The following IL16 variants were observed in gnomAD, a reference collection of about 807,000 sequenced individuals.
IL16 encodes interleukin 16.
IL16 carries 67 observed loss-of-function variants against 110.1 expected under a neutral mutation model. The observed-to-expected ratio is 0.61, with a 90% CI of 0.50 to 0.75. The LOEUF (loss-of-function observed/expected upper bound fraction) is 0.75. Among genes scored for constraint, IL16 ranks in the 30% least tolerant of loss-of-function variants. The pLI is 0.00. For missense variants in IL16, 1,545 were observed against 1,655.0 expected (o/e 0.93, Z 1.15); for synonymous variants, 689 against 662.9 (o/e 1.04, Z -0.61).
Position 81,301,499 on chromosome 15 carries a change from A to G in IL16, c.3305A>G (p.Glu1102Gly). Residue 1102 changes from glutamate (E) to glycine (G), a missense_variant, in exon 15 of 19, where the codon GAA becomes GGA. By Grantham distance (98) the Glu-to-Gly change is moderately conservative. Transcript: ENST00000683961. The stretch of plus-strand genomic sequence containing the variant: ...ATCGAGGAGGTGAAGGTTCTGGATG[A>G]AGCAACATTAAAGGTAGGTTTCCTT... ...KLIEEVKVLD[E>G]ATLKQLDGIH... 1 of 1,611,984 alleles carries G rather than the reference A, an allele frequency of 6.2e-7. No individual in the cohort carries two copies. Among genetic ancestry groups the G allele is most frequent in the South Asian group, 1.1e-5 (1 of 90,550 alleles).
chr15:81,206,485 A>G (rs1260772578), intron 1 of IL16, among the ~76,000 whole-genome samples: 1 of 152,228 alleles, frequency 6.6e-6, no homozygotes, highest in Non-Finnish European at 1.5e-5. Flanking sequence ...GAATATATAC[A>G]TATTTGAAAC....
rs559511515 is a variant in IL16, at chr15:81,313,248, C to T, written c.*4450C>T. On this transcript the variant is annotated 3_prime_UTR_variant, in exon 19 of 19. Coordinates refer to ENST00000683961, the MANE Select transcript of IL16 (RefSeq NM_172217.5). ...ACGGGAGTTCTTTGCCAAGAAGTAA[C>T]GATAGCATTACTCATGGAATTGCTT... 7.7e-6 allele frequency: 12 copies of T among 1,549,794 alleles called. No individual in the cohort carries two copies. Among genetic ancestry groups the T allele is most frequent in the Non-Finnish European group, 8.7e-6 (10 of 1,146,166 alleles).
chr15:81,204,204 A>G (rs1895925469), intron 1 of IL16, among the ~76,000 whole-genome samples: 1 of 152,204 alleles, frequency 6.6e-6, no homozygotes. Flanking sequence ...GTTGCCTATC[A>G]GCTTAAGGAG....
chr15:81,228,775 A>G (rs1896875408), intron 2 of IL16, among the ~76,000 whole-genome samples: 1 of 152,172 alleles, frequency 6.6e-6, no homozygotes, highest in Non-Finnish European at 1.5e-5. Context: ...TCTGAAGGGC[A>G]ATATGGCACA....
intron 2 of IL16, 146 bp downstream of exon 2, chr15:81,225,857 C>A: frequency 1.4e-6 from 1 of 703,196 alleles, no homozygotes; most frequent in Non-Finnish European, 2.3e-6. Flanking sequence ...GAGGCAGGGC[C>A]CACTGGAACT....
chr15:81,303,435 G>A lies in IL16; in HGVS notation c.3319-114G>A. ...GAGGTTTGAGGAGGTGATGTAACTT[G>A]GAGGCTGGCCAAGCTGGGGTTTGAG... On this transcript the variant is annotated intron_variant, in intron 15 of 18. Coordinates refer to ENST00000683961, the MANE Select transcript of IL16 (RefSeq NM_172217.5). This position sits in a 1 kb window ranked among gnomAD's most constrained non-coding sequence, Gnocchi z 4.1. 1 of 703,530 alleles carries A rather than the reference G, an allele frequency of 1.4e-6. No homozygotes were observed. The highest frequency in any genetic ancestry group is 2.6e-6 in the Non-Finnish European group (1 of 391,900). 43.6% of individuals were successfully genotyped at this position (703,530 alleles called of 1,614,324 possible). A position where few individuals can be genotyped will look rare whatever the true frequency, so the allele number is the denominator to read the frequency against.
chr15:81,283,245 C>T (rs899081794), intron 9 of IL16, among the ~76,000 whole-genome samples: 1 of 152,094 alleles, frequency 6.6e-6, no homozygotes, highest in Admixed American at 6.5e-5. Context: ...GGCCGGGAGG[C>T]AGAGAAGCTG....
chr15:81,199,808 C>G (rs1431451815), intron 1 of IL16, among the ~76,000 whole-genome samples: 1 of 152,172 alleles, frequency 6.6e-6, no homozygotes, highest in African/African-American at 2.4e-5. Context: ...CTGGCATCGG[C>G]ATATGAAAGA....
chr15:81,295,417 T>C (rs1899937471), intron 12 of IL16: 1 of 1,287,576 alleles, frequency 7.8e-7, no homozygotes, highest in South Asian at 1.2e-5. Context: ...TGTTCTAAGT[T>C]GTAAAGCTGC....
At chr15:81,229,736 A>G (rs138616679) in intron 2 of IL16, among the ~76,000 whole-genome samples, 14 of 152,254 alleles carry the variant, frequency 9.2e-5, no homozygotes, top group South Asian at 2.1e-4. Flanking sequence ...CCCTTCTCAC[A>G]GGGACACTCT....
chr15:81,275,061 C>T (rs903752944), intron 6 of IL16, among the ~76,000 whole-genome samples: 10 of 151,558 alleles, frequency 6.6e-5, no homozygotes, highest in East Asian at 3.9e-4. Context: ...TCGCAAAGGG[C>T]GGGGCGGGTC....
At chr15:81,265,565 C>T in intron 3 of IL16, 94 bp from the exon 4 acceptor site, 2 of 1,401,412 alleles carry the variant, frequency 1.4e-6, no homozygotes, top group South Asian at 1.3e-5. Context: ...GTCACACTGG[C>T]CCCTGGCTAA....
At position 81,303,345 on chromosome 15, in the gene IL16, C is replaced by T. The variant is rs1414944837; in HGVS notation, c.3319-204C>T. ...ATAATTATGCTTGCTGCTTTACATA[C>T]ATTTTTTTTTTCTTCTAAGCTTCCC... On this transcript the variant is annotated intron_variant, in intron 15 of 18. Coordinates refer to ENST00000683961, the MANE Select transcript of IL16 (RefSeq NM_172217.5). This position sits in a 1 kb window ranked among gnomAD's most constrained non-coding sequence, Gnocchi z 4.1. The T allele has an allele frequency of 2.0e-5, 11 of 553,214 alleles. No individual in the cohort carries two copies. Among genetic ancestry groups the T allele is most frequent in the Non-Finnish European group, 2.9e-5 (9 of 310,836 alleles). 34.3% of individuals were successfully genotyped at this position (553,214 alleles called of 1,614,324 possible).
intron 3 of IL16, among the ~76,000 whole-genome samples, chr15:81,262,300 C>A (rs563962356): frequency 6.6e-6 from 1 of 152,174 alleles, no homozygotes; most frequent in African/African-American, 2.4e-5. Context: ...GTGTTTTAAT[C>A]TTTATGTAAT....
chr15:81,273,428 G>A (rs1180216852), intron 6 of IL16, among the ~76,000 whole-genome samples: 1 of 152,146 alleles, frequency 6.6e-6, no homozygotes, highest in Non-Finnish European at 1.5e-5. Flanking sequence ...TTAGCCCCTG[G>A]CACCGTTACC....
At chr15:81,225,734 T>C in intron 2 of IL16, 23 bp downstream of exon 2, 12 of 1,545,998 alleles carry the variant, frequency 7.8e-6, no homozygotes, top group Admixed American at 1.9e-5. Flanking sequence ...TTTGCAGGCC[T>C]GAACTAGCCT....
chr15:81,226,747 C>T (rs1896801952), intron 2 of IL16, among the ~76,000 whole-genome samples: 1 of 152,144 alleles, frequency 6.6e-6, no homozygotes, highest in Admixed American at 6.5e-5. Flanking sequence ...GTCCTGCACT[C>T]ACTTAATTGG....
rs564110096 is a variant in IL16 at position 81,251,307 on chromosome 15, C to G, written c.313-8465C>G. Among the ~76,000 whole-genome samples the G allele has an allele frequency of 3.9e-5, 6 of 152,256 alleles. No homozygotes were observed. The South Asian group carries it at 1.2e-3, about 32-fold the overall frequency. On this transcript the variant is annotated intron_variant, in intron 2 of 18. Transcript: ENST00000683961. ...TCAGCCTCCCAAGTAGCTGGTACTA[C>G]AGGTTCGTACCACCACACTGGCAAA...
At chr15:81,199,028 A>ATAT (rs1555411587) in intron 1 of IL16, among the ~76,000 whole-genome samples, 44 of 93,692 alleles carry the variant, frequency 4.7e-4, no homozygotes, top group Admixed American at 9.9e-4. Flanking sequence ...TCAAAAAAAA[A>ATAT]AAATATATAT....
Sources: gnomAD v4.1 joint callset for allele counts (sites outside exome capture counted in the v4.1 genomes callset) on GRCh38, gnomAD v4.1.1 for gene constraint, Gnocchi (gnomAD v3.1) non-coding constraint, MANE v1.5 for transcripts, NCBI Gene and HGNC (gene_info 2026-07-23, HGNC 2026-07-21) for gene names.